The following DPP10 variants were observed in gnomAD, a reference collection of about 807,000 sequenced individuals.
DPP10 encodes dipeptidyl peptidase like 10.
In DPP10, 33 loss-of-function variants were observed where a neutral mutation model predicts 120.9. The ratio of observed to expected loss-of-function variants is 0.27; its 90% CI spans 0.21 to 0.37. The LOEUF (loss-of-function observed/expected upper bound fraction) is 0.37. Among genes scored for constraint, DPP10 ranks in the 10% least tolerant of loss-of-function variants. DPP10 has a pLI of 1.00. For missense variants in DPP10, 816 were observed against 942.8 expected (o/e 0.87, Z 1.76); for synonymous variants, 337 against 326.1 (o/e 1.03, Z -0.36).
At chr2:115,587,089 C>CTTTCTTTTTTTTTTTTTTTTTTTTTT (rs2082333593) in intron 5 of DPP10, among the ~76,000 whole-genome samples, 2 of 103,912 alleles carry the variant, frequency 1.9e-5, no homozygotes, top group African/African-American at 3.8e-5. Flanking sequence ...TTTTCTCTTT[C>CTTTCTTTTTTTTTTTTTTTTTTTTTT]TTTTTTTTTT....
At chr2:115,722,723 C>T (rs112533720) in intron 7 of DPP10, among the ~76,000 whole-genome samples, 3,012 of 152,064 alleles carry the variant, frequency 0.02, 91 homozygotes, top group African/African-American at 0.067. Flanking sequence ...GGTCTGTTAC[C>T]GACCAAAACA....
Position 114,911,509 on chromosome 2 carries a change from T to A in DPP10, c.61-397730T>A, listed in dbSNP as rs13432399. ...GATTGATTCATCATTGCAAGGTTCATAAGCTGGGTATCATCATGGAGAATA... is the reference window on the plus strand; with the variant it reads ...GATTGATTCATCATTGCAAGGTTCAAAAGCTGGGTATCATCATGGAGAATA... On this transcript the variant is annotated intron_variant, in intron 1 of 25. Coordinates refer to ENST00000410059, the MANE Select transcript of DPP10 (RefSeq NM_020868.6). Among the ~76,000 whole-genome samples, 1,486 of 152,306 alleles carry A rather than the reference T, an allele frequency of 9.8e-3. 19 individuals are homozygous for A. Among genetic ancestry groups the A allele is most frequent in the African/African-American group, 0.034 (1,432 of 41,554 alleles).
intron 1 of DPP10, among the ~76,000 whole-genome samples, chr2:114,883,748 C>T (rs1442147212): frequency 1.3e-5 from 2 of 152,170 alleles, no homozygotes; most frequent in Admixed American, 1.3e-4. Flanking sequence ...CCTGATCTCA[C>T]CTGGGCTCGG....
At chr2:115,551,057 T>A (rs1467921794) in intron 5 of DPP10, among the ~76,000 whole-genome samples, 2 of 152,158 alleles carry the variant, frequency 1.3e-5, no homozygotes, top group African/African-American at 2.4e-5. Context: ...AATATTGGCA[T>A]ATGGAGACAT....
chr2:115,724,527 T>G (rs1575606604), intron 7 of DPP10, among the ~76,000 whole-genome samples: 1 of 96,670 alleles, frequency 1.0e-5, no homozygotes, highest in South Asian at 3.5e-4. Flanking sequence ...TGTTCTTCTA[T>G]TTTTTTTTGT....
At chr2:115,557,560 C>T (rs1167538547) in intron 5 of DPP10, among the ~76,000 whole-genome samples, 1 of 152,162 alleles carries the variant, frequency 6.6e-6, no homozygotes, top group Admixed American at 6.5e-5. Context: ...TTTCTAAATT[C>T]CACATGAAAG....
At chr2:114,959,204 C>T (rs1698433140) in intron 1 of DPP10, among the ~76,000 whole-genome samples, 1 of 152,128 alleles carries the variant, frequency 6.6e-6, no homozygotes, top group Non-Finnish European at 1.5e-5. Flanking sequence ...GATAAATTTA[C>T]ATTTTATGTA....
At chr2:115,600,066 TG>T (rs1427704540) in intron 5 of DPP10, among the ~76,000 whole-genome samples, 7 of 152,080 alleles carry the variant, frequency 4.6e-5, no homozygotes, top group Admixed American at 3.3e-4. Flanking sequence ...TTTGTTTGTT[TG>T]TTTGTTTTTG....
At chr2:114,621,112 G>A (rs1573811194) in intron 1 of DPP10, among the ~76,000 whole-genome samples, 2 of 152,022 alleles carry the variant, frequency 1.3e-5, no homozygotes, top group African/African-American at 2.4e-5. Flanking sequence ...GCTCTCCACT[G>A]AGAATGAAAC....
At chr2:115,798,112 T>C (rs1684751505) in intron 19 of DPP10, among the ~76,000 whole-genome samples, 1 of 151,964 alleles carries the variant, frequency 6.6e-6, no homozygotes, top group African/African-American at 2.4e-5. Flanking sequence ...TAATAGTTCC[T>C]ATTTAAAACT....
chr2:115,474,093 A>G (rs977147695), intron 3 of DPP10, among the ~76,000 whole-genome samples: 6 of 152,190 alleles, frequency 3.9e-5, no homozygotes, highest in African/African-American at 1.4e-4. Context: ...AACAATCCCT[A>G]TACATTGTGA....
intron 5 of DPP10, among the ~76,000 whole-genome samples, chr2:115,600,779 G>A (rs2083274763): frequency 6.6e-6 from 1 of 152,146 alleles, no homozygotes; most frequent in Admixed American, 6.5e-5. Context: ...TAATCACGAG[G>A]GGAAACTTCA....
chr2:114,549,663 CA>C (rs869226518), intron 1 of DPP10, among the ~76,000 whole-genome samples: 569 of 76,420 alleles, frequency 7.4e-3, no homozygotes, highest in Middle Eastern at 0.019. Flanking sequence ...TGTGTGTCAA[CA>C]AAAAAAAAAA....
chr2:114,861,384 C>T (rs187830752), intron 1 of DPP10, among the ~76,000 whole-genome samples: 20 of 152,250 alleles, frequency 1.3e-4, no homozygotes, highest in Middle Eastern at 3.4e-3. Flanking sequence ...AAGACTATGG[C>T]GAAGACTTTG....
chr2:114,563,413 C>A (rs186103262), intron 1 of DPP10, among the ~76,000 whole-genome samples: 43 of 152,006 alleles, frequency 2.8e-4, no homozygotes, highest in Non-Finnish European at 2.9e-5. Flanking sequence ...GAAATATTAG[C>A]TGTATGAAGA....
intron 1 of DPP10, among the ~76,000 whole-genome samples, chr2:114,820,371 T>C (rs1685988739): frequency 6.6e-6 from 1 of 152,218 alleles, no homozygotes; most frequent in Non-Finnish European, 1.5e-5. Context: ...AGGCAATTAT[T>C]ACCCCTGTAC....
intron 1 of DPP10, among the ~76,000 whole-genome samples, chr2:115,007,854 G>T (rs936071146): frequency 4.0e-5 from 6 of 149,938 alleles, no homozygotes; most frequent in African/African-American, 1.5e-4. Flanking sequence ...AAAATACCTA[G>T]GAATCCAGCT....
chr2:114,455,370 C>A (rs1222108229), intron 1 of DPP10, among the ~76,000 whole-genome samples: 1 of 152,040 alleles, frequency 6.6e-6, no homozygotes, highest in East Asian at 1.9e-4. Context: ...CATAGTGAAA[C>A]CCTGTCTCTA....
chr2:115,455,031 A>G (rs2073409432), intron 3 of DPP10, among the ~76,000 whole-genome samples: 2 of 150,926 alleles, frequency 1.3e-5, no homozygotes, highest in Admixed American at 1.3e-4. Flanking sequence ...ATATATTAAT[A>G]TAGCATAATT....
Sources: gnomAD v4.1 joint callset for allele counts (sites outside exome capture counted in the v4.1 genomes callset) on GRCh38, gnomAD v4.1.1 for gene constraint, MANE v1.5 for transcripts, NCBI Gene and HGNC (gene_info 2026-07-23, HGNC 2026-07-21) for gene names.